STK39: variants seen among roughly 807,000 people sequenced by gnomAD.
STK39 encodes the protein serine/threonine kinase 39.
Under a neutral mutation model 77.8 loss-of-function variants are expected in STK39, and 20 were observed. That is an observed-to-expected ratio of 0.26 (90% CI 0.18 to 0.37). The LOEUF (loss-of-function observed/expected upper bound fraction) is 0.37, where lower values mean the gene tolerates loss of function less well. Among genes scored for constraint, STK39 ranks in the 10% least tolerant of loss-of-function variants. STK39 has a pLI of 1.00. For synonymous variants in STK39, 246 were observed against 234.1 expected (o/e 1.05, Z -0.47); for missense variants, 479 against 656.5 (o/e 0.73, Z 2.95).
chr2:168,137,993 T>C (rs1574494881), intron 8 of STK39, 95 bp downstream of exon 8: 2 of 1,479,126 alleles, frequency 1.4e-6, no homozygotes, highest in East Asian at 2.3e-5. Flanking sequence ...AAGAAATACC[T>C]TTCCAGTGTC....
At chr2:168,077,461 A>C (rs548945636) in intron 10 of STK39, among the ~76,000 whole-genome samples, 64 of 152,208 alleles carry the variant, frequency 4.2e-4, no homozygotes, top group Non-Finnish European at 7.8e-4. Context: ...GAGAAAGATA[A>C]AACAAAATGT....
intron 10 of STK39, among the ~76,000 whole-genome samples, chr2:168,119,561 G>A (rs1304572198): frequency 6.6e-6 from 1 of 152,122 alleles, no homozygotes; most frequent in Non-Finnish European, 1.5e-5. Context: ...CACCCTAATT[G>A]ACTAAGGTGT....
At chr2:168,073,815 G>T (rs1053347666) in intron 12 of STK39, among the ~76,000 whole-genome samples, 1 of 151,902 alleles carries the variant, frequency 6.6e-6, no homozygotes, top group African/African-American at 2.4e-5. Context: ...ACGGGGTTTC[G>T]CCATGTTAGC....
chr2:168,184,808 C>A (rs912431521), intron 1 of STK39, among the ~76,000 whole-genome samples: 1 of 152,098 alleles, frequency 6.6e-6, no homozygotes, highest in Non-Finnish European at 1.5e-5. Flanking sequence ...TACGCCCAAG[C>A]TTTAGTATGA....
chr2:168,077,216 A>G (rs907469074), intron 10 of STK39, among the ~76,000 whole-genome samples: 1 of 152,224 alleles, frequency 6.6e-6, no homozygotes, highest in African/African-American at 2.4e-5. Flanking sequence ...GTATTCTTTA[A>G]GTACTCACCC....
At chr2:168,124,601 G>A (rs1397703673) in intron 10 of STK39, among the ~76,000 whole-genome samples, 1 of 152,090 alleles carries the variant, frequency 6.6e-6, no homozygotes, top group Non-Finnish European at 1.5e-5. Context: ...GTTTCACCAT[G>A]TTAGCCAGGC....
intron 16 of STK39, among the ~76,000 whole-genome samples, chr2:168,006,441 T>C (rs1266469434): frequency 2.0e-5 from 3 of 152,186 alleles, no homozygotes; most frequent in Non-Finnish European, 4.4e-5. Flanking sequence ...TTTGCATTTT[T>C]CCCCCGTGCT....
At chr2:167,976,702 T>C (rs1300449175) in intron 16 of STK39, among the ~76,000 whole-genome samples, 5 of 152,102 alleles carry the variant, frequency 3.3e-5, no homozygotes, top group African/African-American at 1.2e-4. Flanking sequence ...TTTGACCCCC[T>C]ATGATTTTAT....
At chr2:168,044,762 G>A (rs1181088738) in intron 14 of STK39, among the ~76,000 whole-genome samples, 6 of 152,170 alleles carry the variant, frequency 3.9e-5, no homozygotes, top group African/African-American at 1.2e-4. Flanking sequence ...AGTGGAAGGA[G>A]AGGCCAACTG....
intron 14 of STK39, among the ~76,000 whole-genome samples, chr2:168,051,691 G>A (rs572762008): frequency 4.3e-4 from 65 of 152,200 alleles, no homozygotes; most frequent in African/African-American, 1.5e-3. Context: ...AGGCTCAAGC[G>A]ATCCTCCTGC....
At chr2:167,984,710 A>G (rs140929735) in intron 16 of STK39, among the ~76,000 whole-genome samples, 286 of 152,354 alleles carry the variant, frequency 1.9e-3, no homozygotes, top group African/African-American at 6.6e-3. Flanking sequence ...TTGTAAACAT[A>G]AAATATTTTT....
chr2:168,196,241 T>C (rs1168238884), intron 1 of STK39, among the ~76,000 whole-genome samples: 1 of 152,268 alleles, frequency 6.6e-6, no homozygotes, highest in Non-Finnish European at 1.5e-5. Flanking sequence ...GTTTATTCAT[T>C]GAACATATTT....
intron 2 of STK39, among the ~76,000 whole-genome samples, chr2:168,167,997 C>T (rs202065140): frequency 4.0e-5 from 6 of 150,818 alleles, no homozygotes; most frequent in Non-Finnish European, 8.9e-5. Flanking sequence ...GAGCGGCAGG[C>T]GAAGTAAAAT....
At chr2:168,230,463 G>C (rs760158477) in intron 1 of STK39, among the ~76,000 whole-genome samples, 1 of 152,164 alleles carries the variant, frequency 6.6e-6, no homozygotes, top group Non-Finnish European at 1.5e-5. Context: ...CCCAACACGC[G>C]AGCGAGACCA....
chr2:167,998,057 T>C (rs1354172795), intron 16 of STK39, among the ~76,000 whole-genome samples: 1 of 152,190 alleles, frequency 6.6e-6, no homozygotes, highest in Non-Finnish European at 1.5e-5. Flanking sequence ...TGGAAAGCTC[T>C]TTCCCTTAAA....
At chr2:168,067,735 T>A (rs1042826753) in intron 12 of STK39, among the ~76,000 whole-genome samples, 1 of 152,144 alleles carries the variant, frequency 6.6e-6, no homozygotes, top group African/African-American at 2.4e-5. Context: ...TGTAAAAACT[T>A]GTAAGAAAGC....
chr2:168,000,044 T>G (rs1683961023), intron 16 of STK39, among the ~76,000 whole-genome samples: 1 of 152,170 alleles, frequency 6.6e-6, no homozygotes, highest in African/African-American at 2.4e-5. Context: ...GAGAAAGTCA[T>G]TTAAGGACCC....
chr2:168,171,776 CT>C (rs549263344), intron 2 of STK39, among the ~76,000 whole-genome samples: 75 of 152,106 alleles, frequency 4.9e-4, no homozygotes, highest in Admixed American at 1.2e-3. Context: ...CTGTGAGCCA[CT>C]GTACCCTGCC....
intron 13 of STK39, among the ~76,000 whole-genome samples, chr2:168,064,992 C>A (rs1185508237): frequency 6.6e-6 from 1 of 152,162 alleles, no homozygotes; most frequent in African/African-American, 2.4e-5. Context: ...GAAATCCAAC[C>A]AGGAGCAAAA....
Sources: allele counts gnomAD v4.1 joint callset (sites outside exome capture counted in the v4.1 genomes callset), GRCh38; gene constraint gnomAD v4.1.1; transcripts MANE v1.5; gene names NCBI Gene and HGNC (gene_info 2026-07-23, HGNC 2026-07-21).